Variants in CENPF observed in about 807,000 individuals in gnomAD.
The protein encoded by CENPF is AH antigen.
CENPF carries 214 observed loss-of-function variants against 307.3 expected under a neutral mutation model. The ratio of observed to expected loss-of-function variants is 0.70; its 90% confidence interval spans 0.62 to 0.78. The LOEUF (loss-of-function observed/expected upper bound fraction) is 0.78, where lower values mean the gene tolerates loss of function less well. Ranked by LOEUF, CENPF falls within the 30% of genes least tolerant of loss-of-function variation. The probability of loss-of-function intolerance (pLI) is 0.00; values close to 1 mark genes in which losing one functional copy is unlikely to be tolerated. For synonymous variants in CENPF, 1,259 were observed against 1,270.6 expected (o/e 0.99, Z 0.19); for missense variants, 3,401 against 3,483.9 (o/e 0.98, Z 0.60).
At chr1:214,618,836 T>C in intron 4 of CENPF, 142 bp downstream of exon 4, 1 of 805,832 alleles carries the variant, frequency 1.2e-6, no homozygotes, top group Non-Finnish European at 1.9e-6. Context: ...TACATATCCA[T>C]TTGCATATCT....
In CENPF at chr1:214,646,326, A is replaced by G. The variant is rs1658299642; in HGVS notation, c.6756A>G (p.Glu2252=). ...EKEQAEIQIK[E]ESKTAVEMLQ... ...AGCAAGCAGAGATACAGATCAAAGAAGAATCTAAAACTGCAGTGGAGATGC... is the reference window on the plus strand; with the variant it reads ...AGCAAGCAGAGATACAGATCAAAGAGGAATCTAAAACTGCAGTGGAGATGC... Residue 2252 remains glutamate, a synonymous_variant, in exon 13 of 20, where the codon GAA becomes GAG. Coordinates refer to ENST00000366955, the MANE Select transcript of CENPF (RefSeq NM_016343.4). 1 of 1,614,092 alleles carries G rather than the reference A, an allele frequency of 6.2e-7. No individual in the cohort carries two copies. Among genetic ancestry groups the G allele is most frequent in the Non-Finnish European group, 8.5e-7 (1 of 1,180,004 alleles).
intron 10 of CENPF, among the ~76,000 whole-genome samples, chr1:214,632,937 A>G (rs1657848719): frequency 6.6e-6 from 1 of 152,188 alleles, no homozygotes; most frequent in African/African-American, 2.4e-5. Context: ...GAAAGATGGG[A>G]AAGGAAGGAA....
In CENPF at chr1:214,616,228, TAGC is replaced by T. The variant is rs370619731; in HGVS notation, c.359+1203_359+1205del. ...AAGAAAAAATGGTTTATGAAAATAA[TAGC>T]AGGGTATACTTTTGTTTAAGTAATA... On this transcript the variant is annotated intron_variant, in intron 3 of 19. Coordinates refer to ENST00000366955, the MANE Select transcript of CENPF (RefSeq NM_016343.4). Among the ~76,000 whole-genome samples the T allele has an allele frequency of 2.0e-4, 31 of 152,296 alleles. No individual in the cohort carries two copies. The East Asian group carries it at 5.4e-3, about 27-fold the overall frequency.
chr1:214,608,517 A>C, intron 1 of CENPF: 1 of 1,611,968 alleles, frequency 6.2e-7, no homozygotes, highest in South Asian at 1.1e-5. Flanking sequence ...ACCTGGCACC[A>C]GTCACGCAGC....
chr1:214,640,417 A>G lies in CENPF; in HGVS notation c.2079A>G (p.Val693=). The G allele has an allele frequency of 6.2e-7, 1 of 1,614,070 alleles. No individual in the cohort carries two copies. The highest frequency in any genetic ancestry group is 8.5e-7 in the Non-Finnish European group (1 of 1,179,992). The change falls in exon 12 of 20, where the codon GTA becomes GTG. Residue 693 remains valine (V), a synonymous_variant. Coordinates refer to ENST00000366955, the MANE Select transcript of CENPF (RefSeq NM_016343.4). ...TGTTAGACAGTAAGTCAGTGGAGGT[A>G]GAGACCCAGAAACTAGCTTATATGG... The part of the protein sequence containing the change: ...HNVLDSKSVE[V]ETQKLAYMEL...
intron 12 of CENPF, 32 bp downstream of exon 12, chr1:214,643,356 G>A (rs747434596): frequency 3.2e-5 from 47 of 1,447,412 alleles, no homozygotes; most frequent in Non-Finnish European, 4.0e-5. Flanking sequence ...GCCATTTCTC[G>A]GTTTACATGA....
At chr1:214,635,499 T>G (rs546838027) in intron 10 of CENPF, among the ~76,000 whole-genome samples, 121 of 152,368 alleles carry the variant, frequency 7.9e-4, no homozygotes, top group Admixed American at 1.4e-3. Context: ...TAGGAAAATG[T>G]ATCTTTGTAT....
At chr1:214,628,610 A>T (rs1267321858) in intron 7 of CENPF, among the ~76,000 whole-genome samples, 2 of 152,172 alleles carry the variant, frequency 1.3e-5, no homozygotes, top group African/African-American at 4.8e-5. Flanking sequence ...ACACCCGGCT[A>T]ATTTTTGTAT....
In CENPF at chr1:214,659,349, G is replaced by A. The variant is rs567675039; in HGVS notation, c.9141+321G>A. 1.3e-5 allele frequency among the ~76,000 whole-genome samples: 2 copies of A among 151,996 alleles called. No individual in the cohort carries two copies. Among genetic ancestry groups the A allele is most frequent in the South Asian group, 2.1e-4 (1 of 4,806 alleles). On this transcript the variant is annotated intron_variant, in intron 19 of 19. Coordinates refer to ENST00000366955, the MANE Select transcript of CENPF (RefSeq NM_016343.4). This position sits in a 1 kb window ranked among gnomAD's most constrained non-coding sequence, Gnocchi z 4.4. ...ATTTGAAGAGGTAATTTTCCCTTTCGCCACTGGTATTAGTCATTGTTTGTT... is the reference window on the plus strand; with the variant it reads ...ATTTGAAGAGGTAATTTTCCCTTTCACCACTGGTATTAGTCATTGTTTGTT...
At position 214,641,826 on chromosome 1, in the gene CENPF, A is replaced by G; in HGVS notation, c.3488A>G (p.Lys1163Arg). Reference protein sequence around the residue: ...NEQLMKVMKTKHECQNLESEP... With the variant: ...NEQLMKVMKTRHECQNLESEP... ...CAGCTGATGAAGGTAATGAAGACTAAACATGAATGTCAAAATCTAGAATCA... is the reference window on the plus strand; with the variant it reads ...CAGCTGATGAAGGTAATGAAGACTAGACATGAATGTCAAAATCTAGAATCA... Residue 1163 changes from lysine to arginine, a missense_variant, in exon 12 of 20, where the codon AAA (lysine) becomes AGA (arginine). Transcript: ENST00000366955. 1.9e-6 allele frequency: 3 copies of G among 1,609,094 alleles called. No individual in the cohort carries two copies. The highest frequency in any genetic ancestry group is 2.5e-6 in the Non-Finnish European group (3 of 1,178,894).
chr1:214,621,953 T>G, intron 6 of CENPF, 126 bp from the exon 7 acceptor site: 3 of 712,486 alleles, frequency 4.2e-6, no homozygotes, highest in Non-Finnish European at 6.9e-6. Flanking sequence ...TTAAAGTAGC[T>G]TCTGTATTTA....
rs1407003843 is a variant in CENPF, at chr1:214,643,262, C to T, written c.4924C>T (p.Arg1642Ter). 4.5e-6 allele frequency: 7 copies of T among 1,569,260 alleles called. No homozygotes were observed. Among genetic ancestry groups the T allele is most frequent in the African/African-American group, 4.1e-5 (3 of 72,652 alleles). Residue 1642 changes from arginine to a stop codon, truncating the protein, a stop_gained, in exon 12 of 20, where the codon CGA (arginine) becomes TGA (stop). Transcript: ENST00000366955. LOFTEE classifies it high-confidence loss of function. ...EQLSLELEVA[R>*]LQLQGLDLSS... ...ACTGTCACTTGAGCTGGAAGTAGCA[C>T]GACTCCAGCTACAAGGTCTGGACTT... is the stretch of plus-strand genomic sequence containing the variant.
rs2070064 is a variant in CENPF at position 214,613,787 on chromosome 1, G to T, written c.33G>T (p.Gly11=). 3 of 1,608,736 alleles carry T rather than the reference G, an allele frequency of 1.9e-6. No individual in the cohort carries two copies. The highest frequency in any genetic ancestry group is 2.5e-6 in the Non-Finnish European group (3 of 1,178,066). The change falls in exon 2 of 20, where the codon GGG becomes GGT. Residue 11 remains glycine (G), a synonymous_variant. Transcript: ENST00000366955. ...GGGCTTTGGAAGAATGGAAAGAAGG[G>T]CTGCCTACAAGAGCTCTTCAGAAAA... MSWALEEWKE[G]LPTRALQKIQ...
At chr1:214,631,044 T>A (rs1657794255) in intron 9 of CENPF, among the ~76,000 whole-genome samples, 1 of 152,210 alleles carries the variant, frequency 6.6e-6, no homozygotes, top group African/African-American at 2.4e-5. Context: ...GCTTTACATA[T>A]CATCTATGTG....
intron 11 of CENPF, 128 bp downstream of exon 11, chr1:214,638,129 G>A (rs1034528923): frequency 1.5e-5 from 14 of 960,340 alleles, no homozygotes; most frequent in South Asian, 8.0e-5. Context: ...AAAGATGTGC[G>A]CAGTTGATGT....
intron 19 of CENPF, among the ~76,000 whole-genome samples, chr1:214,660,437 T>C (rs1378192153): frequency 1.3e-5 from 2 of 152,194 alleles, no homozygotes; most frequent in Non-Finnish European, 2.9e-5. Flanking sequence ...CTGGAGAATA[T>C]ATATTTAATA....
In CENPF at chr1:214,618,702, A is replaced by G. The variant is rs772974816; in HGVS notation, c.481+8A>G. ...CAAGTCAATATTATAGTGGTAATGC[A>G]TTTTCTTCCTTGGTATAGACAGCTT... On this transcript the variant is annotated splice_region_variant and intron_variant, in intron 4 of 19. Coordinates refer to ENST00000366955, the MANE Select transcript of CENPF (RefSeq NM_016343.4). 3.1e-6 allele frequency: 5 copies of G among 1,610,434 alleles called. No homozygotes were observed. Among genetic ancestry groups the G allele is most frequent in the African/African-American group, 1.3e-5 (1 of 74,766 alleles).
In CENPF at chr1:214,643,212, C is replaced by G; in HGVS notation, c.4874C>G (p.Ala1625Gly). ...SVTLEMESKL[A>G]AEKKQTEQLS... Reference sequence around the variant, plus strand: ...ACTCTGGAGATGGAGTCCAAGTTGGCGGCAGAAAAGAAACAGACGGAACAA... The same window carrying G: ...ACTCTGGAGATGGAGTCCAAGTTGGGGGCAGAAAAGAAACAGACGGAACAA... The change falls in exon 12 of 20, where the codon GCG becomes GGG. Residue 1625 changes from alanine to glycine, a missense_variant. By Grantham distance (60) the Ala-to-Gly change is moderately conservative (BLOSUM62 0). Coordinates refer to ENST00000366955, the MANE Select transcript of CENPF (RefSeq NM_016343.4). The G allele has an allele frequency of 1.2e-6, 2 of 1,601,088 alleles. No individual in the cohort carries two copies. The highest frequency in any genetic ancestry group is 1.7e-6 in the Non-Finnish European group (2 of 1,175,592).
At chr1:214,661,731 A>G (rs1007826207) in intron 19 of CENPF, among the ~76,000 whole-genome samples, 1 of 152,122 alleles carries the variant, frequency 6.6e-6, no homozygotes, top group Non-Finnish European at 1.5e-5. Context: ...TGTAGAGCCC[A>G]TCGTGGATGG....
Sources: gnomAD v4.1 joint callset for allele counts (sites outside exome capture counted in the v4.1 genomes callset) on GRCh38, gnomAD v4.1.1 for gene constraint, Gnocchi (gnomAD v3.1) non-coding constraint, MANE v1.5 for transcripts, NCBI Gene and HGNC (gene_info 2026-07-23, HGNC 2026-07-21) for gene names.